Variants in PRMT3 observed in about 807,000 individuals in gnomAD.
PRMT3 encodes the protein protein arginine methyltransferase 3.
A neutral mutation model predicts 71.9 loss-of-function variants in PRMT3; 62 were observed. The ratio of observed to expected loss-of-function variants is 0.86; its 90% confidence interval spans 0.70 to 1.07. The LOEUF is 1.07. Ranked by LOEUF, PRMT3 falls within the 50% of genes least tolerant of loss-of-function variation. The pLI is 0.00. For missense variants in PRMT3, 663 were observed against 643.0 expected, an observed-to-expected ratio of 1.03 and a Z score of -0.34; for synonymous variants, 213 against 220.4, an observed-to-expected ratio of 0.97 and a Z score of 0.30.
chr11:20,435,479 G>A (rs952298082), intron 10 of PRMT3, among the ~76,000 whole-genome samples: 4 of 152,136 alleles, frequency 2.6e-5, no homozygotes, highest in African/African-American at 4.8e-5. Flanking sequence ...TAGGATTACC[G>A]CGCTCAGACC....
At chr11:20,398,190 C>G (rs766949063) in intron 7 of PRMT3, among the ~76,000 whole-genome samples, 1 of 151,960 alleles carries the variant, frequency 6.6e-6, no homozygotes, top group African/African-American at 2.4e-5. Context: ...TTATATATTA[C>G]CTTTTAACGT....
intron 11 of PRMT3, among the ~76,000 whole-genome samples, chr11:20,455,846 G>A (rs1292938585): frequency 6.7e-6 from 1 of 149,840 alleles, no homozygotes; most frequent in Non-Finnish European, 1.5e-5. Flanking sequence ...AGACAATTGT[G>A]TAAAAAAAAA....
intron 11 of PRMT3, among the ~76,000 whole-genome samples, chr11:20,456,775 CAATTTGGAATTGGATA>C (rs1555016980): frequency 6.6e-6 from 1 of 152,240 alleles, no homozygotes; most frequent in Non-Finnish European, 1.5e-5. Flanking sequence ...ATGAATTTAT[CAATTTGGAATTGGATA>C]AATTTGGAAT....
At chr11:20,432,225 A>T (rs1849669330) in intron 10 of PRMT3, among the ~76,000 whole-genome samples, 1 of 152,122 alleles carries the variant, frequency 6.6e-6, no homozygotes, top group Non-Finnish European at 1.5e-5. Flanking sequence ...TTTTTCAGGT[A>T]ATCCCTCAGA....
chr11:20,481,441 AGT>A (rs2133434365), intron 13 of PRMT3, among the ~76,000 whole-genome samples: 1 of 152,196 alleles, frequency 6.6e-6, no homozygotes, highest in East Asian at 1.9e-4. Flanking sequence ...TCTTTATAAA[AGT>A]GTGTATTTTT....
rs145627219 is a variant in PRMT3, at chr11:20,430,870, C to G, written c.993+4005C>G. 4.3e-3 allele frequency among the ~76,000 whole-genome samples: 652 copies of G among 152,214 alleles called. 2 individuals are homozygous for G. Among genetic ancestry groups the G allele is most frequent in the Middle Eastern group, 0.01 (3 of 294 alleles). On this transcript the variant is annotated intron_variant, in intron 10 of 15. Transcript: ENST00000331079. ...TTCAGTTAAATGTAAACAGTTTAAT[C>G]CCTGGAAGATGTTAATACCTATGTC...
At chr11:20,480,434 G>C (rs2133432197) in intron 13 of PRMT3, among the ~76,000 whole-genome samples, 1 of 152,304 alleles carries the variant, frequency 6.6e-6, no homozygotes, top group African/African-American at 2.4e-5. Flanking sequence ...TCAGTAGTTT[G>C]ATAGGTTTAA....
Position 20,493,695 on chromosome 11 carries a change from T to C in PRMT3, c.1348-224T>C, listed in dbSNP as rs77745134. The stretch of plus-strand genomic sequence containing the variant: ...TTTCTCTAATAAAATGTACTAATTA[T>C]TTGATTAGCCTTATTACCTTTATTA... On this transcript the variant is annotated intron_variant, in intron 13 of 15. Coordinates refer to ENST00000331079, the MANE Select transcript of PRMT3 (RefSeq NM_005788.4). Among the ~76,000 whole-genome samples, 690 of 152,344 alleles carry C rather than the reference T, an allele frequency of 4.5e-3. 5 individuals carry two copies. The highest frequency in any genetic ancestry group is 6.6e-3 in the Non-Finnish European group (448 of 68,030).
At chr11:20,505,113 T>C (rs1851560021) in intron 15 of PRMT3, among the ~76,000 whole-genome samples, 1 of 152,190 alleles carries the variant, frequency 6.6e-6, no homozygotes, top group African/African-American at 2.4e-5. Flanking sequence ...TTTTTATACC[T>C]TGATCCTAAA....
chr11:20,469,129 A>G (rs1024322369), intron 13 of PRMT3, among the ~76,000 whole-genome samples: 10 of 152,192 alleles, frequency 6.6e-5, no homozygotes, highest in African/African-American at 2.4e-4. Context: ...TGCTTTTACA[A>G]TAGAGATGAA....
chr11:20,392,177 T>C (rs768603075), intron 3 of PRMT3, 34 bp from the exon 4 acceptor site: 1 of 1,558,070 alleles, frequency 6.4e-7, no homozygotes, highest in Non-Finnish European at 8.7e-7. Flanking sequence ...ACTCATTATG[T>C]TAACATAGGT....
intron 10 of PRMT3, among the ~76,000 whole-genome samples, chr11:20,448,833 A>T (rs1033756946): frequency 1.3e-5 from 2 of 152,166 alleles, no homozygotes; most frequent in Non-Finnish European, 2.9e-5. Context: ...TTAATTTTTT[A>T]AAAGTAGATG....
Position 20,484,916 on chromosome 11 carries a change from A to G in PRMT3, c.1348-9003A>G, listed in dbSNP as rs540624272. Among the ~76,000 whole-genome samples the G allele has an allele frequency of 1.4e-4, 22 of 152,340 alleles. No homozygotes were observed. In the South Asian group the frequency reaches 4.3e-3, roughly 30 times the overall value. On this transcript the variant is annotated intron_variant, in intron 13 of 15. Transcript: ENST00000331079. ...AAGCCAAGACTCAGAAAAGAAGGTAATCTGAAAAATGAGACTAACAATTGG... is the reference window on the plus strand; with the variant it reads ...AAGCCAAGACTCAGAAAAGAAGGTAGTCTGAAAAATGAGACTAACAATTGG...
chr11:20,480,110 G>A (rs994413313), intron 13 of PRMT3, among the ~76,000 whole-genome samples: 3 of 152,162 alleles, frequency 2.0e-5, no homozygotes, highest in Non-Finnish European at 4.4e-5. Flanking sequence ...CCAGAAGTTC[G>A]AGATCCATCT....
intron 4 of PRMT3, among the ~76,000 whole-genome samples, 191 bp from the exon 5 acceptor site, chr11:20,392,706 T>G (rs547564743): frequency 1.3e-5 from 2 of 151,412 alleles, no homozygotes; most frequent in African/African-American, 4.8e-5. Context: ...AAAAAAACTC[T>G]GCGTTGAAAC....
intron 13 of PRMT3, among the ~76,000 whole-genome samples, chr11:20,488,729 C>G (rs535832320): frequency 5.6e-4 from 85 of 152,250 alleles, no homozygotes; most frequent in African/African-American, 1.9e-3. Flanking sequence ...GGTTGCCATC[C>G]TATTACATAC....
chr11:20,447,356 A>G (rs1332881096), intron 10 of PRMT3, among the ~76,000 whole-genome samples: 2 of 152,070 alleles, frequency 1.3e-5, no homozygotes, highest in Non-Finnish European at 2.9e-5. Context: ...GGGTGGGGAC[A>G]ATGGTGCCGG....
intron 15 of PRMT3, among the ~76,000 whole-genome samples, chr11:20,506,186 C>T (rs1464368538): frequency 6.6e-6 from 1 of 152,090 alleles, no homozygotes; most frequent in Non-Finnish European, 1.5e-5. Context: ...GAGCCTAGCA[C>T]AAAGTAAGTG....
At chr11:20,494,579 C>T (rs191366927) in intron 15 of PRMT3, among the ~76,000 whole-genome samples, 50 of 152,162 alleles carry the variant, frequency 3.3e-4, no homozygotes, top group Non-Finnish European at 5.7e-4. Flanking sequence ...CCTGCCTCGG[C>T]CCCCCCAAAG....
Sources: allele counts gnomAD v4.1 joint callset (sites outside exome capture counted in the v4.1 genomes callset), GRCh38; gene constraint gnomAD v4.1.1; transcripts MANE v1.5; gene names NCBI Gene and HGNC (gene_info 2026-07-23, HGNC 2026-07-21).